ARHGAP31: variants seen among roughly 807,000 people sequenced by gnomAD.
The protein encoded by ARHGAP31 is Rho GTPase activating protein 31, also known as rho GTPase-activating protein 31.
In ARHGAP31, 34 loss-of-function variants were observed where a neutral mutation model predicts 113.9. The observed-to-expected ratio is 0.30, with a 90% CI of 0.23 to 0.40. The LOEUF is 0.40. Among genes scored for constraint, ARHGAP31 ranks in the 10% least tolerant of loss-of-function variants. ARHGAP31 has a pLI of 1.00. For synonymous variants in ARHGAP31, 650 were observed against 684.8 expected (o/e 0.95, Z 0.79); for missense variants, 1,548 against 1,767.1 (o/e 0.88, Z 2.22).
chr3:119,331,914 C>G (rs909505366), intron 1 of ARHGAP31, among the ~76,000 whole-genome samples: 3 of 152,124 alleles, frequency 2.0e-5, no homozygotes, highest in African/African-American at 7.2e-5. Flanking sequence ...CCTCACTACA[C>G]GGCCCATTCC....
intron 1 of ARHGAP31, among the ~76,000 whole-genome samples, chr3:119,318,073 G>A (rs1429857812): frequency 6.6e-6 from 1 of 151,630 alleles, no homozygotes; most frequent in Non-Finnish European, 1.5e-5. Context: ...CACCACCCAG[G>A]GCAACATACT....
At chr3:119,314,387 C>G (rs2079711226) in intron 1 of ARHGAP31, 1 of 152,306 alleles carries the variant, frequency 6.6e-6, no homozygotes, top group South Asian at 2.1e-4. Flanking sequence ...TCATCCCCAC[C>G]TAATCCCTGC....
chr3:119,315,614 TC>T (rs1417171322), intron 1 of ARHGAP31, among the ~76,000 whole-genome samples: 1 of 152,174 alleles, frequency 6.6e-6, no homozygotes, highest in East Asian at 1.9e-4. Context: ...TGACCCACAG[TC>T]CCTGTGGACA....
chr3:119,362,547 C>T (rs561678865), intron 1 of ARHGAP31, among the ~76,000 whole-genome samples: 1 of 152,276 alleles, frequency 6.6e-6, no homozygotes, highest in South Asian at 2.1e-4. Context: ...GCAGGTGGAT[C>T]ACCGGAGATC....
intron 6 of ARHGAP31, among the ~76,000 whole-genome samples, chr3:119,385,302 C>T (rs896302103): frequency 1.3e-5 from 2 of 152,002 alleles, no homozygotes; most frequent in Admixed American, 1.3e-4. Context: ...TTCATTCCTT[C>T]TTATGGCTGA....
intron 1 of ARHGAP31, among the ~76,000 whole-genome samples, chr3:119,313,228 TTCC>T (rs371800689): frequency 9.1e-4 from 138 of 152,348 alleles, no homozygotes; most frequent in South Asian, 4.4e-3. Context: ...AGCTTCTCTG[TTCC>T]TCTTCCCAGA....
chr3:119,412,519 A>G (rs1271891079), intron 11 of ARHGAP31, among the ~76,000 whole-genome samples: 1 of 151,820 alleles, frequency 6.6e-6, no homozygotes, highest in Non-Finnish European at 1.5e-5. Context: ...GTCTAGAAGG[A>G]CAAAGGGAAG....
intron 1 of ARHGAP31, among the ~76,000 whole-genome samples, chr3:119,347,611 A>C (rs1428247919): frequency 2.0e-5 from 3 of 152,122 alleles, no homozygotes; most frequent in Non-Finnish European, 4.4e-5. Flanking sequence ...TCAAGTAGAG[A>C]TTCAGTCTCC....
chr3:119,380,372 T>C (rs1577020253), intron 3 of ARHGAP31, among the ~76,000 whole-genome samples: 2 of 150,338 alleles, frequency 1.3e-5, no homozygotes, highest in Admixed American at 1.3e-4. Context: ...TCTGTCTCAT[T>C]TATTTATTTA....
intron 1 of ARHGAP31, among the ~76,000 whole-genome samples, chr3:119,305,212 C>T (rs2079620791): frequency 6.6e-6 from 1 of 152,192 alleles, no homozygotes; most frequent in Non-Finnish European, 1.5e-5. Context: ...CACAGCTATG[C>T]TAGCAGTAAA....
chr3:119,376,038 A>G (rs1351578790), intron 3 of ARHGAP31, among the ~76,000 whole-genome samples: 1 of 152,150 alleles, frequency 6.6e-6, no homozygotes, highest in Non-Finnish European at 1.5e-5. Flanking sequence ...TTGACGCGTC[A>G]GTCTCCCTTG....
intron 1 of ARHGAP31, among the ~76,000 whole-genome samples, chr3:119,316,949 T>C (rs2079737478): frequency 6.6e-6 from 1 of 152,250 alleles, no homozygotes; most frequent in Non-Finnish European, 1.5e-5. Flanking sequence ...ATGTCCCTCC[T>C]GTCTTTGCTC....
intron 1 of ARHGAP31, among the ~76,000 whole-genome samples, chr3:119,308,515 C>T (rs1432577992): frequency 6.6e-6 from 1 of 152,202 alleles, no homozygotes; most frequent in Non-Finnish European, 1.5e-5. Context: ...GCATGTCTTC[C>T]ACCATTTGTC....
chr3:119,406,509 G>A (rs984951707), intron 10 of ARHGAP31, among the ~76,000 whole-genome samples: 1 of 152,162 alleles, frequency 6.6e-6, no homozygotes, highest in African/African-American at 2.4e-5. Flanking sequence ...CCCGCTTTAG[G>A]GGTCTGGTTG....
chr3:119,403,879 C>T (rs781285024), intron 10 of ARHGAP31, among the ~76,000 whole-genome samples: 1 of 152,152 alleles, frequency 6.6e-6, no homozygotes, highest in Non-Finnish European at 1.5e-5. Context: ...AATTTTGGAG[C>T]CTGTTTCTCA....
chr3:119,368,343 T>C, intron 2 of ARHGAP31, 29 bp from the exon 3 acceptor site: 1 of 1,613,590 alleles, frequency 6.2e-7, no homozygotes. Flanking sequence ...CTCCCTGGGA[T>C]TGTTATGTCT....
intron 8 of ARHGAP31, among the ~76,000 whole-genome samples, chr3:119,396,065 T>C (rs2080548249): frequency 6.6e-6 from 1 of 152,146 alleles, no homozygotes; most frequent in Admixed American, 6.5e-5. Flanking sequence ...TCACCAGTAA[T>C]GAAAAGTCAA....
intron 1 of ARHGAP31, chr3:119,324,990 A>G (rs1266857384): frequency 2.2e-6 from 1 of 456,506 alleles, no homozygotes; most frequent in South Asian, 1.6e-5. Flanking sequence ...TCATGTCAAT[A>G]GTGGCATAGT....
chr3:119,395,846 A>G (rs4279094), intron 8 of ARHGAP31, among the ~76,000 whole-genome samples: 94,613 of 151,962 alleles, frequency 0.62, 29,911 homozygotes, highest in African/African-American at 0.73. Flanking sequence ...AACTCAGCTT[A>G]CACAAAATGG....
Sources: gnomAD v4.1 joint callset for allele counts (sites outside exome capture counted in the v4.1 genomes callset) on GRCh38, gnomAD v4.1.1 for gene constraint, MANE v1.5 for transcripts, NCBI Gene and HGNC (gene_info 2026-07-23, HGNC 2026-07-21) for gene names.